The following PALM2AKAP2 variants were observed in gnomAD, a reference collection of about 807,000 sequenced individuals.
PALM2AKAP2 encodes the protein PALM2-AKAP2 fusion protein.
PALM2AKAP2 carries 37 observed loss-of-function variants against 71.5 expected under a neutral mutation model. The ratio of observed to expected loss-of-function variants is 0.52; its 90% CI spans 0.40 to 0.68. The LOEUF is 0.68. PALM2AKAP2 is among the 30% of genes least tolerant of loss of function. The pLI is 0.00. For synonymous variants in PALM2AKAP2, 468 were observed against 478.8 expected (o/e 0.98, Z 0.29); for missense variants, 1,224 against 1,191.8 (o/e 1.03, Z -0.40).
At chr9:109,951,818 A>G (rs955123386) in intron 6 of PALM2AKAP2, among the ~76,000 whole-genome samples, 1 of 152,144 alleles carries the variant, frequency 6.6e-6, no homozygotes, top group Non-Finnish European at 1.5e-5. Flanking sequence ...GTTGGTTTCT[A>G]CACTAATCCA....
intron 1 of PALM2AKAP2, among the ~76,000 whole-genome samples, chr9:110,055,257 G>A (rs1235421964): frequency 4.6e-5 from 7 of 151,564 alleles, no homozygotes; most frequent in Non-Finnish European, 1.0e-4. Context: ...GTGCAGTGGC[G>A]CAATCTCAGC....
At position 109,968,235 on chromosome 9, in the gene PALM2AKAP2, G is replaced by T. The variant is rs1056318702; in HGVS notation, c.496+36207G>T. ...CTCAGAGGCCACCATGGCCCTGGGG[G>T]TCTGGCCTGCCTGCTTTGCAACTTG... On this transcript the variant is annotated intron_variant, in intron 6 of 9. Transcript: ENST00000302798. Among the ~76,000 whole-genome samples the T allele has an allele frequency of 6.6e-5, 10 of 152,330 alleles. No individual in the cohort carries two copies. In the East Asian group the frequency reaches 1.5e-3, roughly 24 times the overall value.
At chr9:109,721,391 A>C (rs1394599244) in intron 1 of PALM2AKAP2, among the ~76,000 whole-genome samples, 1 of 152,210 alleles carries the variant, frequency 6.6e-6, no homozygotes, top group Non-Finnish European at 1.5e-5. Flanking sequence ...ATCGCTTTCT[A>C]TTGGGAACTT....
intron 1 of PALM2AKAP2, among the ~76,000 whole-genome samples, chr9:109,808,090 G>A (rs191802717): frequency 6.6e-6 from 1 of 152,252 alleles, no homozygotes; most frequent in Admixed American, 6.5e-5. Flanking sequence ...AGCAGTGTGT[G>A]AACAAACTAA....
intron 3 of PALM2AKAP2, among the ~76,000 whole-genome samples, chr9:109,900,443 G>T (rs773966729): frequency 9.9e-5 from 15 of 152,190 alleles, no homozygotes; most frequent in Non-Finnish European, 1.9e-4. Flanking sequence ...GCACCCAATA[G>T]ATGGGTAAAC....
chr9:110,149,837 G>A (rs1411604395), intron 2 of PALM2AKAP2, among the ~76,000 whole-genome samples: 1 of 152,220 alleles, frequency 6.6e-6, no homozygotes, highest in East Asian at 1.9e-4. Flanking sequence ...TTAGAAGGCA[G>A]AAGTCTGAAA....
At position 109,874,488 on chromosome 9, in the gene PALM2AKAP2, A is replaced by G. The variant is rs1056113938; in HGVS notation, c.127-6063A>G. Among the ~76,000 whole-genome samples the G allele has an allele frequency of 4.6e-5, 7 of 152,154 alleles. No homozygotes were observed. In the East Asian group the frequency reaches 1.3e-3, roughly 29 times the overall value. ...TGGGATGCTTGTGAAAGTTAAGTGGATTTACATGTAAAGCACATAAAGCAG... is the reference window on the plus strand; with the variant it reads ...TGGGATGCTTGTGAAAGTTAAGTGGGTTTACATGTAAAGCACATAAAGCAG... On this transcript the variant is annotated intron_variant, in intron 2 of 9. Coordinates refer to the PALM2AKAP2 transcript ENST00000302798.
At chr9:109,735,594 G>T (rs1281209284) in intron 1 of PALM2AKAP2, among the ~76,000 whole-genome samples, 2 of 152,128 alleles carry the variant, frequency 1.3e-5, no homozygotes, top group Non-Finnish European at 2.9e-5. Flanking sequence ...ATCAAAAAAT[G>T]ATTTTTTGGC....
chr9:110,086,620 T>C (rs1338812293), intron 1 of PALM2AKAP2, among the ~76,000 whole-genome samples: 1 of 152,208 alleles, frequency 6.6e-6, no homozygotes, highest in African/African-American at 2.4e-5. Flanking sequence ...ATGCATTAAG[T>C]TGCAAAGTCA....
At chr9:109,836,417 C>A (rs1237470886) in intron 1 of PALM2AKAP2, among the ~76,000 whole-genome samples, 1 of 152,144 alleles carries the variant, frequency 6.6e-6, no homozygotes, top group South Asian at 2.1e-4. Flanking sequence ...GATAAAACCA[C>A]AAAGATGGGG....
intron 1 of PALM2AKAP2, among the ~76,000 whole-genome samples, chr9:109,704,178 G>T (rs897405774): frequency 6.6e-6 from 1 of 152,338 alleles, no homozygotes; most frequent in East Asian, 1.9e-4. Context: ...AACAGAAGAT[G>T]CCCTTCTTCA....
In PALM2AKAP2 at chr9:109,886,422, A is replaced by G. The variant is rs566702240; in HGVS notation, c.257+5741A>G. Among the ~76,000 whole-genome samples, 3 of 152,290 alleles carry G rather than the reference A, an allele frequency of 2.0e-5. No individual in the cohort carries two copies. The East Asian group carries it at 5.8e-4, about 29-fold the overall frequency. On this transcript the variant is annotated intron_variant, in intron 3 of 9. Transcript: ENST00000302798. ...TCTTTCATTTCACTGGGTTTTACTA[A>G]AGTGTTTGAAATACAGGGTTTTTAA...
chr9:109,700,127 T>C (rs1009517119), intron 1 of PALM2AKAP2, among the ~76,000 whole-genome samples: 36 of 152,148 alleles, frequency 2.4e-4, no homozygotes, highest in African/African-American at 8.7e-4. Flanking sequence ...GAGATATAAA[T>C]ACCACCAAAT....
intron 1 of PALM2AKAP2, among the ~76,000 whole-genome samples, chr9:109,704,694 A>G (rs1402113436): frequency 6.6e-6 from 1 of 152,006 alleles, no homozygotes; most frequent in East Asian, 1.9e-4. Context: ...TAATCTTCAA[A>G]CCCAGCTCTG....
chr9:110,048,977 C>A, intron 1 of PALM2AKAP2: 1 of 1,284,520 alleles, frequency 7.8e-7, no homozygotes, highest in Non-Finnish European at 1.0e-6. Flanking sequence ...GCACCGCGGG[C>A]TTTTAAAGGG....
At chr9:109,996,436 G>T (rs1185146711) in intron 6 of PALM2AKAP2, among the ~76,000 whole-genome samples, 2 of 152,210 alleles carry the variant, frequency 1.3e-5, no homozygotes, top group Non-Finnish European at 2.9e-5. Flanking sequence ...GCTTAAAAAG[G>T]CTTTAATTTC....
In PALM2AKAP2 at chr9:109,860,848, G is replaced by A. The variant is rs140073812; in HGVS notation, c.46-6643G>A. ...CTGATTCTTCATTTCAAAAGCCTAG[G>A]AATCCTCTGGCAAAAAGTCACTTAA... On this transcript the variant is annotated intron_variant, in intron 1 of 9. Transcript: ENST00000302798. Among the ~76,000 whole-genome samples the A allele has an allele frequency of 2.7e-3, 408 of 152,244 alleles. 5 individuals are homozygous for A. Among genetic ancestry groups the A allele is most frequent in the African/African-American group, 9.3e-3 (387 of 41,552 alleles).
rs530352845 is a variant in PALM2AKAP2, at chr9:109,669,137, G to A, written c.5+28271G>A. Among the ~76,000 whole-genome samples the A allele has an allele frequency of 3.3e-5, 5 of 152,314 alleles. No individual in the cohort carries two copies. The East Asian group carries it at 9.6e-4, about 29-fold the overall frequency. On this transcript the variant is annotated intron_variant, in intron 1 of 6. Coordinates refer to the PALM2AKAP2 transcript ENST00000374531. ...GCTTAAACACAGGTCTACATTTGTG[G>A]AGGGTAAAAGAACTGCCCTTTTCAC...
intron 1 of PALM2AKAP2, among the ~76,000 whole-genome samples, chr9:110,120,990 C>T (rs892729105): frequency 6.6e-6 from 1 of 152,014 alleles, no homozygotes; most frequent in African/African-American, 2.4e-5. Context: ...GCTGAGGGGT[C>T]CATATGTTTG....
Sources: gnomAD v4.1 joint callset for allele counts (sites outside exome capture counted in the v4.1 genomes callset) on GRCh38, gnomAD v4.1.1 for gene constraint, MANE v1.5 for transcripts, NCBI Gene and HGNC (gene_info 2026-07-23, HGNC 2026-07-21) for gene names.